TAOK2: variants seen among roughly 807,000 people sequenced by gnomAD.
TAOK2 encodes the protein TAO kinase 2.
TAOK2 carries 42 observed loss-of-function variants against 122.5 expected under a neutral mutation model. That is an observed-to-expected ratio of 0.34 (90% confidence interval 0.27 to 0.44). The LOEUF is 0.44. TAOK2 is among the 20% of genes least tolerant of loss of function. The pLI is 1.00. For synonymous variants in TAOK2, 704 were observed against 677.6 expected (o/e 1.04, Z -0.61); for missense variants, 1,264 against 1,644.9 (o/e 0.77, Z 4.01).
At chr16:29,983,996 C>T (rs1394775392) in intron 13 of TAOK2, among the ~76,000 whole-genome samples, 1 of 152,176 alleles carries the variant, frequency 6.6e-6, no homozygotes, top group Non-Finnish European at 1.5e-5. Context: ...AAGCCCAGTG[C>T]TGGGGGAGCC....
At chr16:29,984,630 T>C (rs564614999) in intron 13 of TAOK2, among the ~76,000 whole-genome samples, 1 of 151,964 alleles carries the variant, frequency 6.6e-6, no homozygotes, top group East Asian at 1.9e-4. Context: ...ACTCATAGAG[T>C]CAATTGAGAA....
Position 29,979,391 on chromosome 16 carries a change from CCT to C in TAOK2, c.564-18_564-17del, listed in dbSNP as rs780940763. The C allele has an allele frequency of 3.3e-5, 53 of 1,602,228 alleles. No homozygotes were observed. Among genetic ancestry groups the C allele is most frequent in the Non-Finnish European group, 5.1e-6 (6 of 1,172,630 alleles). ...TGACAGGGTCTCGGCGGGTGATTTG[CCT>C]CTCTCTCCTGACCATTCTCCTAGGA... On this transcript the variant is annotated intron_variant, in intron 7 of 15. Coordinates refer to ENST00000308893, the MANE Select transcript of TAOK2 (RefSeq NM_016151.4). The surrounding 1 kb of genome is among the most constrained non-coding windows in gnomAD (Gnocchi z 4.1).
In TAOK2 at chr16:29,987,942, C is replaced by T. The variant is rs774537800; in HGVS notation, c.3670C>T (p.Arg1224Cys). 60 of 1,536,004 alleles carry T rather than the reference C, an allele frequency of 3.9e-5. No individual in the cohort carries two copies. Among genetic ancestry groups the T allele is most frequent in the African/African-American group, 4.1e-5 (3 of 74,002 alleles). Residue 1224 changes from arginine to cysteine, a missense_variant, in exon 16 of 16, where the codon CGC (arginine) becomes TGC (cysteine). By Grantham distance (180) the Arg-to-Cys change is radical. Coordinates refer to ENST00000308893, the MANE Select transcript of TAOK2 (RefSeq NM_016151.4). ...AGGGACTCTAGCCGGGCGGAGGTCA[C>T]GCACCCGCCAGTCCCGGGCCCTGCC... ...LPGTLAGRRS[R>C]TRQSRALPPW...
chr16:29,985,506 G>A lies in TAOK2; in HGVS notation c.1716G>A (p.Gln572=). 1 of 1,611,884 alleles carries A rather than the reference G, an allele frequency of 6.2e-7. No homozygotes were observed. The highest frequency in any genetic ancestry group is 2.2e-5 in the East Asian group (1 of 44,854). Residue 572 remains glutamine, a synonymous_variant, in exon 14 of 16, where the codon CAG becomes CAA. Transcript: ENST00000308893. This position sits in a 1 kb window ranked among gnomAD's most constrained non-coding sequence, Gnocchi z 6.9. The part of the protein sequence containing the change: ...RKFQQHILGQ[Q]KKELAALLEA... The stretch of plus-strand genomic sequence containing the variant: ...TCCAGCAGCACATCCTTGGGCAGCA[G>A]AAGAAGGAGCTGGCTGCCCTGCTGG...
intron 12 of TAOK2, 79 bp downstream of exon 12, chr16:29,983,411 G>A (rs2069681428): frequency 1.9e-6 from 3 of 1,562,232 alleles, no homozygotes; most frequent in East Asian, 2.3e-5. Flanking sequence ...CCTAAGTGCA[G>A]CACTCCTCTG....
chr16:29,975,169 G>C (rs1306554207), intron 1 of TAOK2, among the ~76,000 whole-genome samples: 1 of 152,062 alleles, frequency 6.6e-6, no homozygotes, highest in Non-Finnish European at 1.5e-5. Flanking sequence ...TTTTCCCCCA[G>C]CTGCAGTTAC....
In TAOK2 at chr16:29,986,835, G is replaced by T; in HGVS notation, c.2563G>T (p.Val855Leu). 1 of 1,614,046 alleles carries T rather than the reference G, an allele frequency of 6.2e-7. No individual in the cohort carries two copies. The change falls in exon 16 of 16, where the codon GTA becomes TTA. Residue 855 changes from valine to leucine, a missense_variant. Around this residue, in one of 4 missense-constraint regions of TAOK2, gnomAD observed 824 missense variants for 908.7 expected, o/e 0.91. Coordinates refer to ENST00000308893, the MANE Select transcript of TAOK2 (RefSeq NM_016151.4). The surrounding 1 kb of genome is among the most constrained non-coding windows in gnomAD (Gnocchi z 4.2). ...AGAGGAGCTTAGGGTGCCCTCCCTT[G>T]TACCCCAGGAGAGGAGCATTGTTGG... ...EIEELRVPSL[V>L]PQERSIVGQE...
intron 1 of TAOK2, 99 bp from the exon 2 acceptor site, chr16:29,977,639 C>G: frequency 8.9e-7 from 1 of 1,117,838 alleles, no homozygotes; most frequent in East Asian, 2.6e-5. Context: ...TCCTCCTCAT[C>G]AGGGAATGAG....
At chr16:29,978,409 T>C in intron 4 of TAOK2, 56 bp downstream of exon 4, 1 of 1,563,954 alleles carries the variant, frequency 6.4e-7, no homozygotes, top group South Asian at 1.1e-5. Context: ...CCCGTCCTTA[T>C]CGTAGTCCAG....
rs1418957987 is a variant in TAOK2, at chr16:29,983,562, G to C, written c.1320G>C (p.Gln440His). The C allele has an allele frequency of 6.2e-7, 1 of 1,613,750 alleles. No individual in the cohort carries two copies. The highest frequency in any genetic ancestry group is 8.5e-7 in the Non-Finnish European group (1 of 1,179,992). Reference sequence around the variant, plus strand: ...CAGAGATAACCCCCAGCCCTCTCCAGCCGCCTGCAGCCCCAGCTCCCACTT... The same window carrying C: ...CAGAGATAACCCCCAGCCCTCTCCACCCGCCTGCAGCCCCAGCTCCCACTT... Reference protein sequence around the residue: ...YQPEITPSPLQPPAAPAPTST... With the variant: ...YQPEITPSPLHPPAAPAPTST... The change falls in exon 13 of 16, where the codon CAG (glutamine) becomes CAC (histidine). Residue 440 changes from glutamine to histidine, a missense_variant. Transcript: ENST00000308893.
intron 8 of TAOK2, chr16:29,981,392 T>A: frequency 1.7e-6 from 1 of 601,030 alleles, no homozygotes; most frequent in South Asian, 2.0e-5. Context: ...GGGTGATAAC[T>A]GAATGGCTGT....
chr16:29,986,565 C>A lies in TAOK2; in HGVS notation c.2293C>A (p.Pro765Thr). The change falls in exon 16 of 16, where the codon CCC becomes ACC. Residue 765 changes from proline (P) to threonine (T), a missense_variant. Pro to Thr is a conservative substitution (Grantham distance 38). Coordinates refer to ENST00000308893, the MANE Select transcript of TAOK2 (RefSeq NM_016151.4). The surrounding 1 kb of genome is among the most constrained non-coding windows in gnomAD (Gnocchi z 4.2). ...PLPIPGALGP[P>T]NTGTPIEQQP... ...CCCCATTCCTGGGGCTCTGGGCCCA[C>A]CCAACACAGGCACCCCTATAGAACA... 1 of 1,613,896 alleles carries A rather than the reference C, an allele frequency of 6.2e-7. No individual in the cohort carries two copies. The highest frequency in any genetic ancestry group is 8.5e-7 in the Non-Finnish European group (1 of 1,179,924).
chr16:29,991,301 C>T (rs1324184620), downstream of TAOK2: 9 of 1,611,438 alleles, frequency 5.6e-6, no homozygotes, highest in Non-Finnish European at 5.9e-6. The surrounding 1 kb of genome is among the most constrained non-coding windows in gnomAD (Gnocchi z 5.6). Flanking sequence ...CTCCACCAGG[C>T]ATGCCCCCTC....
Position 29,978,280 on chromosome 16 carries a change from G to A in TAOK2, c.233G>A (p.Arg78Gln), listed in dbSNP as rs761769256. Reference protein sequence around the residue: ...EKWQDIIKEVRFLQKLRHPNT... With the variant: ...EKWQDIIKEVQFLQKLRHPNT... ...TGGCAAGACATCATCAAGGAGGTGCGGTTCTTACAGAAGCTCCGGCATCCC... is the reference window on the plus strand; with the variant it reads ...TGGCAAGACATCATCAAGGAGGTGCAGTTCTTACAGAAGCTCCGGCATCCC... Residue 78 changes from arginine (R) to glutamine (Q), a missense_variant, in exon 4 of 16, where the codon CGG becomes CAG. Coordinates refer to ENST00000308893, the MANE Select transcript of TAOK2 (RefSeq NM_016151.4). 4 of 1,614,076 alleles carry A rather than the reference G, an allele frequency of 2.5e-6. No homozygotes were observed. The highest frequency in any genetic ancestry group is 2.5e-6 in the Non-Finnish European group (3 of 1,179,996).
At position 29,978,245 on chromosome 16, in the gene TAOK2, C is replaced by G. The variant is rs1446549040; in HGVS notation, c.205-7C>G. The G allele has an allele frequency of 6.2e-7, 1 of 1,614,048 alleles. No individual in the cohort carries two copies. The highest frequency in any genetic ancestry group is 8.5e-7 in the Non-Finnish European group (1 of 1,179,962). The stretch of plus-strand genomic sequence containing the variant: ...CTGGGTAACCTCTGCCTACCCTGAC[C>G]CCCTAGAAATGGCAAGACATCATCA... On this transcript the variant is annotated splice_polypyrimidine_tract_variant and splice_region_variant and intron_variant, in intron 3 of 15. Coordinates refer to ENST00000308893, the MANE Select transcript of TAOK2 (RefSeq NM_016151.4).
chr16:29,975,067 G>T (rs2069412251), intron 1 of TAOK2, among the ~76,000 whole-genome samples: 1 of 152,030 alleles, frequency 6.6e-6, no homozygotes, highest in Non-Finnish European at 1.5e-5. Flanking sequence ...TTCAGGCCTG[G>T]TCTGGTTGGA....
intron 13 of TAOK2, among the ~76,000 whole-genome samples, chr16:29,983,972 G>A (rs2150896853): frequency 6.6e-6 from 1 of 152,340 alleles, no homozygotes; most frequent in South Asian, 2.1e-4. Context: ...ATGCTTCACA[G>A]TTGTGTGCTG....
At position 29,979,320 on chromosome 16, in the gene TAOK2, AGTG is replaced by A; in HGVS notation, c.563+19_563+21del. 6.2e-7 allele frequency: 1 copy of A among 1,613,016 alleles called. No individual in the cohort carries two copies. Among genetic ancestry groups the A allele is most frequent in the Non-Finnish European group, 8.5e-7 (1 of 1,179,286 alleles). On this transcript the variant is annotated intron_variant, in intron 7 of 15. Coordinates refer to ENST00000308893, the MANE Select transcript of TAOK2 (RefSeq NM_016151.4). This position sits in a 1 kb window ranked among gnomAD's most constrained non-coding sequence, Gnocchi z 4.1. ...GGCACCCCATACTGGTGAGTGAGTG[AGTG>A]GTGGTGAGTGGAGAGACCTCCCAGG...
rs914836109 is a variant in TAOK2 at position 29,979,705 on chromosome 16, A to C, written c.655+197A>C. ...TAGGCCTAGAGATTTTGTAGCATTC[A>C]TCTCTTCCTGTCCACTACCCTGGTT... On this transcript the variant is annotated intron_variant, in intron 8 of 15. Coordinates refer to ENST00000308893, the MANE Select transcript of TAOK2 (RefSeq NM_016151.4). This position sits in a 1 kb window ranked among gnomAD's most constrained non-coding sequence, Gnocchi z 4.1. Among the ~76,000 whole-genome samples, 60 of 152,224 alleles carry C rather than the reference A, an allele frequency of 3.9e-4. No homozygotes were observed. The highest frequency in any genetic ancestry group is 1.4e-3 in the African/African-American group (59 of 41,538).
Sources: allele counts gnomAD v4.1 joint callset (sites outside exome capture counted in the v4.1 genomes callset), GRCh38; gene constraint gnomAD v4.1.1; regional missense constraint gnomAD v4.1.1; non-coding constraint Gnocchi (gnomAD v3.1); transcripts MANE v1.5; gene names NCBI Gene and HGNC (gene_info 2026-07-23, HGNC 2026-07-21).